Variants in SVOP observed in about 807,000 individuals in gnomAD.
SVOP encodes synaptic vesicle 2-related protein.
A neutral mutation model predicts 69.1 loss-of-function variants in SVOP; 17 were observed. The ratio of observed to expected loss-of-function variants is 0.25; its 90% CI spans 0.17 to 0.37. The LOEUF is 0.37. Ranked by LOEUF, SVOP falls within the 10% of genes least tolerant of loss-of-function variation. SVOP has a pLI of 1.00. For synonymous variants in SVOP, 238 were observed against 238.6 expected (o/e 1.00, Z 0.02); for missense variants, 435 against 597.5 (o/e 0.73, Z 2.84).
intron 7 of SVOP, among the ~76,000 whole-genome samples, chr12:108,943,212 T>G (rs1465030286): frequency 6.6e-6 from 1 of 152,064 alleles, no homozygotes; most frequent in Admixed American, 6.6e-5. Flanking sequence ...AAAGTCCCCT[T>G]TTGCTTAAGT....
chr12:108,971,113 G>A (rs773038754), intron 5 of SVOP, among the ~76,000 whole-genome samples: 4 of 151,802 alleles, frequency 2.6e-5, no homozygotes, highest in East Asian at 1.9e-4. Flanking sequence ...TTCTTTATAC[G>A]TATTAGGAAA....
In SVOP at chr12:109,020,873, G is replaced by A; in HGVS notation, c.-5C>T. On this transcript the variant is annotated 5_prime_UTR_variant, in exon 1 of 16. Transcript: ENST00000610966. ...CTGGAATAAGTCCTCCTCCATGTCC[G>A]CGCTGCGCCAGGATGAGCCCTTCTC... The A allele has an allele frequency of 1.4e-6, 1 of 714,934 alleles. No homozygotes were observed. Among genetic ancestry groups the A allele is most frequent in the Non-Finnish European group, 2.6e-6 (1 of 384,024 alleles). 44.3% of individuals were successfully genotyped at this position (714,934 alleles called of 1,614,324 possible).
chr12:108,994,680 C>T (rs934519789), intron 1 of SVOP, among the ~76,000 whole-genome samples: 4 of 152,218 alleles, frequency 2.6e-5, no homozygotes, highest in African/African-American at 4.8e-5. Context: ...GGCTAAGCCA[C>T]GCTTTGGCAA....
intron 1 of SVOP, among the ~76,000 whole-genome samples, chr12:109,008,884 T>C (rs970573175): frequency 9.9e-5 from 15 of 151,978 alleles, no homozygotes; most frequent in Admixed American, 4.6e-4. Context: ...ACTCTTCTGA[T>C]TGGAGAACAA....
intron 6 of SVOP, among the ~76,000 whole-genome samples, chr12:108,953,086 G>A (rs2039965649): frequency 6.8e-6 from 1 of 146,044 alleles, no homozygotes; most frequent in Non-Finnish European, 1.5e-5. Context: ...GAGGGTTGTA[G>A]AAAAGCACAG....
intron 7 of SVOP, among the ~76,000 whole-genome samples, chr12:108,941,172 G>A (rs1407091827): frequency 6.6e-6 from 1 of 152,166 alleles, no homozygotes; most frequent in Non-Finnish European, 1.5e-5. Context: ...TGGTTAAGGA[G>A]ATCAATGTGA....
intron 7 of SVOP, among the ~76,000 whole-genome samples, chr12:108,944,453 T>C (rs183488252): frequency 2.6e-5 from 4 of 152,260 alleles, no homozygotes; most frequent in African/African-American, 9.6e-5. Context: ...GTGGTTAAAA[T>C]GATTGGGGAC....
intron 2 of SVOP, among the ~76,000 whole-genome samples, chr12:108,978,923 A>T (rs956923146): frequency 2.0e-5 from 3 of 152,248 alleles, no homozygotes; most frequent in Non-Finnish European, 2.9e-5. Flanking sequence ...ATACATATAT[A>T]AATTATTAAA....
rs980970041 is a variant in SVOP at position 108,910,542 on chromosome 12, T to C, written c.*1993A>G. 1 of 152,348 alleles carries C rather than the reference T, an allele frequency of 6.6e-6. No individual in the cohort carries two copies. 9.4% of individuals were successfully genotyped at this position (152,348 alleles called of 1,614,324 possible). A position where few individuals can be genotyped will look rare whatever the true frequency, so the allele number is the denominator to read the frequency against. ...CACACGTGGTTCAAGGAAATGTGGTTGTCAGAGAGAGACAGAGATCTGCCA... is the reference window on the plus strand; with the variant it reads ...CACACGTGGTTCAAGGAAATGTGGTCGTCAGAGAGAGACAGAGATCTGCCA... On this transcript the variant is annotated 3_prime_UTR_variant, in exon 16 of 16. Coordinates refer to ENST00000610966, the MANE Select transcript of SVOP (RefSeq NM_018711.5).
At chr12:109,019,300 TAAA>T (rs2040383796) in intron 1 of SVOP, among the ~76,000 whole-genome samples, 1 of 152,172 alleles carries the variant, frequency 6.6e-6, no homozygotes, top group African/African-American at 2.4e-5. Context: ...TTTTTTTAAT[TAAA>T]GAAGGAATTG....
intron 6 of SVOP, among the ~76,000 whole-genome samples, chr12:108,959,578 T>C (rs1394784870): frequency 6.6e-6 from 1 of 152,086 alleles, no homozygotes; most frequent in Non-Finnish European, 1.5e-5. Context: ...GGTCTCAAAC[T>C]CCTGAGCTCA....
chr12:108,937,402 G>A (rs1202183463), intron 9 of SVOP, 65 bp from the exon 10 acceptor site: 5 of 1,495,818 alleles, frequency 3.3e-6, no homozygotes, highest in Non-Finnish European at 3.7e-6. Flanking sequence ...ATGGGCTGGT[G>A]GCCTGAGACT....
At chr12:109,016,832 C>A (rs2040370186) in intron 1 of SVOP, among the ~76,000 whole-genome samples, 1 of 151,632 alleles carries the variant, frequency 6.6e-6, no homozygotes. Flanking sequence ...AGCCTTGAAC[C>A]CCCAGGCTCA....
intron 6 of SVOP, among the ~76,000 whole-genome samples, chr12:108,957,169 G>C (rs1025578955): frequency 6.6e-6 from 1 of 152,004 alleles, no homozygotes; most frequent in Non-Finnish European, 1.5e-5. Context: ...AGTCTCAGTA[G>C]AATGTCTTTT....
intron 5 of SVOP, among the ~76,000 whole-genome samples, chr12:108,967,848 G>C (rs1036372835): frequency 1.2e-4 from 18 of 152,156 alleles, no homozygotes; most frequent in Admixed American, 8.5e-4. Context: ...TATTTTGGAA[G>C]GTGCCAAAAT....
At chr12:108,996,723 G>C (rs2040234779) in intron 1 of SVOP, among the ~76,000 whole-genome samples, 1 of 152,140 alleles carries the variant, frequency 6.6e-6, no homozygotes, top group Non-Finnish European at 1.5e-5. Flanking sequence ...TTGAGCCCAG[G>C]AGCTATAGAC....
chr12:108,998,620 A>G (rs190994913), intron 1 of SVOP, among the ~76,000 whole-genome samples: 5,849 of 152,306 alleles, frequency 0.038, 383 homozygotes, highest in African/African-American at 0.13. Flanking sequence ...CTCTCGGCAG[A>G]AACCCTACAA....
intron 1 of SVOP, among the ~76,000 whole-genome samples, chr12:108,999,423 G>T (rs2040255448): frequency 1.4e-5 from 2 of 147,214 alleles, no homozygotes. Flanking sequence ...AGTCAACAAG[G>T]ATACCCAGGA....
intron 7 of SVOP, among the ~76,000 whole-genome samples, chr12:108,944,044 A>G (rs2039908763): frequency 6.6e-6 from 1 of 151,694 alleles, no homozygotes; most frequent in African/African-American, 2.4e-5. Flanking sequence ...ACACCTGACT[A>G]ACTTTTTGTA....
Sources: allele counts gnomAD v4.1 joint callset (sites outside exome capture counted in the v4.1 genomes callset), GRCh38; gene constraint gnomAD v4.1.1; transcripts MANE v1.5; gene names NCBI Gene and HGNC (gene_info 2026-07-23, HGNC 2026-07-21).